MYO7B: variants seen among roughly 807,000 people sequenced by gnomAD.
The protein encoded by MYO7B is myosin VIIB, also known as unconventional myosin-VIIb.
Under a neutral mutation model 259.7 loss-of-function variants are expected in MYO7B, and 212 were observed. That is an observed-to-expected ratio of 0.82 (90% CI 0.73 to 0.91). MYO7B has a LOEUF of 0.91. MYO7B is among the 40% of genes least tolerant of loss of function. The pLI, the probability that MYO7B is intolerant of heterozygous loss-of-function variation, is 0.00. For synonymous variants in MYO7B, 1,197 were observed against 1,166.4 expected (o/e 1.03, Z -0.54); for missense variants, 2,732 against 2,813.5 (o/e 0.97, Z 0.66).
chr2:127,549,178 TTCTTTC>T (rs777737990), intron 1 of MYO7B, among the ~76,000 whole-genome samples: 7 of 131,512 alleles, frequency 5.3e-5, no homozygotes, highest in Non-Finnish European at 1.0e-4. Flanking sequence ...CTTTCTTTCT[TTCTTTC>T]TCTCTTTCTT....
At chr2:127,572,155 A>G (rs1678660901) in intron 6 of MYO7B, among the ~76,000 whole-genome samples, 1 of 152,244 alleles carries the variant, frequency 6.6e-6, no homozygotes, top group Non-Finnish European at 1.5e-5. Context: ...ATGATGGCTT[A>G]TGCCAGTAAT....
intron 6 of MYO7B, among the ~76,000 whole-genome samples, chr2:127,571,479 G>A (rs959158751): frequency 4.0e-5 from 2 of 50,250 alleles, no homozygotes; most frequent in African/African-American, 8.2e-5. Flanking sequence ...TTTTTTGTTT[G>A]TTTGTTTTTT....
intron 2 of MYO7B, among the ~76,000 whole-genome samples, chr2:127,561,811 G>T (rs1434644559): frequency 6.6e-6 from 1 of 152,170 alleles, no homozygotes. Flanking sequence ...CCATAACAAG[G>T]TATCACAGAC....
intron 9 of MYO7B, 131 bp from the exon 10 acceptor site, chr2:127,580,615 G>T: frequency 3.6e-6 from 3 of 824,904 alleles, no homozygotes; most frequent in Non-Finnish European, 5.8e-6. Flanking sequence ...CACTGGGAGA[G>T]ACCGTGGCTT....
At chr2:127,565,909 C>A (rs895016710) in intron 4 of MYO7B, among the ~76,000 whole-genome samples, 1 of 152,238 alleles carries the variant, frequency 6.6e-6, no homozygotes, top group Non-Finnish European at 1.5e-5. Context: ...ATTCCAAAAC[C>A]GACACCAGTT....
chr2:127,537,602 G>A (rs13021407), intron 1 of MYO7B, among the ~76,000 whole-genome samples: 3 of 152,108 alleles, frequency 2.0e-5, no homozygotes, highest in Non-Finnish European at 1.5e-5. Flanking sequence ...TTGGGAGGCC[G>A]AGGTGGGAGG....
At chr2:127,600,679 C>T (rs548140565) in intron 19 of MYO7B, among the ~76,000 whole-genome samples, 4 of 152,342 alleles carry the variant, frequency 2.6e-5, no homozygotes, top group African/African-American at 7.2e-5. Flanking sequence ...CATTGCACTT[C>T]AGCCTGGGCA....
chr2:127,590,099 A>T lies in MYO7B; in HGVS notation c.1862A>T (p.Asp621Val). ...CTGTGCTTCCATTCACAGTCTGCAG[A>T]CTCAAATAAACGGCCCTCCACCTTA... is the stretch of plus-strand genomic sequence containing the variant. ...KAGNHLFKSA[D>V]SNKRPSTLGS... Residue 621 changes from aspartate to valine, a missense_variant, in exon 16 of 48, where the codon GAC becomes GTC. Asp to Val is a radical substitution (Grantham distance 152). Coordinates refer to ENST00000409816, the MANE Select transcript of MYO7B (RefSeq NM_001393586.1). The surrounding 1 kb of genome is among the most constrained non-coding windows in gnomAD (Gnocchi z 4.6). The T allele has an allele frequency of 6.3e-7, 1 of 1,580,178 alleles. No individual in the cohort carries two copies. Among genetic ancestry groups the T allele is most frequent in the South Asian group, 1.2e-5 (1 of 86,106 alleles).
chr2:127,587,949 T>G (rs1679365768), intron 14 of MYO7B, among the ~76,000 whole-genome samples: 1 of 152,156 alleles, frequency 6.6e-6, no homozygotes, highest in African/African-American at 2.4e-5. Flanking sequence ...ATCCCCTCCT[T>G]AAAGGCCCTA....
Position 127,597,356 on chromosome 2 carries a change from A to C in MYO7B, c.2339+800A>C, listed in dbSNP as rs72960564. Among the ~76,000 whole-genome samples the C allele has an allele frequency of 0.014, 2,183 of 152,236 alleles. 70 individuals are homozygous for C. The highest frequency in any genetic ancestry group is 0.051 in the African/African-American group (2,098 of 41,522). On this transcript the variant is annotated intron_variant, in intron 19 of 47. Coordinates refer to ENST00000409816, the MANE Select transcript of MYO7B (RefSeq NM_001393586.1). This position sits in a 1 kb window ranked among gnomAD's most constrained non-coding sequence, Gnocchi z 4.8. ...AGAAACAATACAGAGATATTGCCATAATCTTCACCCATTTCCCCCAGTGGA... is the reference window on the plus strand; with the variant it reads ...AGAAACAATACAGAGATATTGCCATCATCTTCACCCATTTCCCCCAGTGGA...
chr2:127,566,892 T>TGATCTTGCAG, intron 5 of MYO7B, 65 bp downstream of exon 5: 1 of 1,525,310 alleles, frequency 6.6e-7, no homozygotes, highest in Non-Finnish European at 8.9e-7. Flanking sequence ...CCAGCATGCC[T>TGATCTTGCAG]GCAAGATCAG....
intron 5 of MYO7B, among the ~76,000 whole-genome samples, 160 bp downstream of exon 5, chr2:127,566,987 T>C (rs1395572684): frequency 3.9e-5 from 6 of 152,340 alleles, no homozygotes; most frequent in South Asian, 2.1e-4. Flanking sequence ...CCCCGAGCAG[T>C]TCCCCCAAAG....
chr2:127,635,872 C>G lies in MYO7B; in HGVS notation c.5971C>G (p.Leu1991Val), dbSNP rs201508027. The G allele has an allele frequency of 3.2e-6, 5 of 1,581,634 alleles. No individual in the cohort carries two copies. In the African/African-American group the frequency reaches 6.8e-5, roughly 21 times the overall value. Residue 1991 changes from leucine to valine, a missense_variant, in exon 44 of 48, where the codon CTC becomes GTC. This residue lies in a region of MYO7B where 821 missense variants were observed against 769.3 expected (regional missense o/e 1.07). Transcript: ENST00000409816. ...KILRELVPEN[L>V]TRLMSSEEWK... The stretch of plus-strand genomic sequence containing the variant: ...CCTGAGGGAACTGGTGCCTGAGAAC[C>G]TCACACGCCTGATGTCCTCGGAGGA...
At position 127,634,555 on chromosome 2, in the gene MYO7B, C is replaced by T. The variant is rs977531671; in HGVS notation, c.5626-41C>T. The T allele has an allele frequency of 5.1e-6, 8 of 1,557,908 alleles. No homozygotes were observed. In the African/African-American group the frequency reaches 5.4e-5, roughly 11 times the overall value. On this transcript the variant is annotated intron_variant, in intron 41 of 47. Coordinates refer to ENST00000409816, the MANE Select transcript of MYO7B (RefSeq NM_001393586.1). ...CAGCAGGTTCTCAGGAGGACAGTCC[C>T]CGGAAGCCACCCAACTTCCCTGTAC...
Position 127,582,292 on chromosome 2 carries a change from G to T in MYO7B, c.1201-12G>T. The T allele has an allele frequency of 6.2e-7, 1 of 1,612,072 alleles. No individual in the cohort carries two copies. Among genetic ancestry groups the T allele is most frequent in the Non-Finnish European group, 8.5e-7 (1 of 1,179,194 alleles). ...CCAAGCCCAGGATTCTCCCACCCCC[G>T]TGTCTCTCCAGGGCATCTATGGGCA... On this transcript the variant is annotated splice_polypyrimidine_tract_variant and intron_variant, in intron 11 of 47. Coordinates refer to ENST00000409816, the MANE Select transcript of MYO7B (RefSeq NM_001393586.1).
At position 127,577,277 on chromosome 2, in the gene MYO7B, C is replaced by T. The variant is rs1177831436; in HGVS notation, c.849+569C>T. Among the ~76,000 whole-genome samples the T allele has an allele frequency of 6.6e-6, 1 of 152,176 alleles. No individual in the cohort carries two copies. The highest frequency in any genetic ancestry group is 1.5e-5 in the Non-Finnish European group (1 of 68,014). ...GGATCTCTCCCATGCAACCCTCTCT[C>T]CTGGGTCCACTGCTCCAAGGCCTTC... On this transcript the variant is annotated intron_variant, in intron 8 of 47. Coordinates refer to ENST00000409816, the MANE Select transcript of MYO7B (RefSeq NM_001393586.1). This position sits in a 1 kb window ranked among gnomAD's most constrained non-coding sequence, Gnocchi z 5.2.
In MYO7B at chr2:127,582,263, G is replaced by T. The variant is rs777646687; in HGVS notation, c.1201-41G>T. ...GAACTTGGAGGTAACCTCCGCCTGAGCCTCCAAGCCCAGGATTCTCCCACC... is the reference window on the plus strand; with the variant it reads ...GAACTTGGAGGTAACCTCCGCCTGATCCTCCAAGCCCAGGATTCTCCCACC... On this transcript the variant is annotated intron_variant, in intron 11 of 47. Coordinates refer to ENST00000409816, the MANE Select transcript of MYO7B (RefSeq NM_001393586.1). 2.5e-6 allele frequency: 4 copies of T among 1,606,802 alleles called. No individual in the cohort carries two copies. The South Asian group carries it at 4.5e-5, about 18-fold the overall frequency.
intron 1 of MYO7B, among the ~76,000 whole-genome samples, chr2:127,555,962 T>C (rs990145472): frequency 6.6e-6 from 1 of 152,186 alleles, no homozygotes; most frequent in Non-Finnish European, 1.5e-5. Flanking sequence ...TTGACTTCTG[T>C]CTTGAGGACC....
intron 18 of MYO7B, among the ~76,000 whole-genome samples, chr2:127,594,832 C>G (rs1247474728): frequency 6.6e-6 from 1 of 152,106 alleles, no homozygotes; most frequent in African/African-American, 2.4e-5. Flanking sequence ...CCAACTTGAT[C>G]GTAGTGGATA....
Sources: gnomAD v4.1 joint callset for allele counts (sites outside exome capture counted in the v4.1 genomes callset) on GRCh38, gnomAD v4.1.1 for gene constraint, gnomAD v4.1.1 regional missense constraint, Gnocchi (gnomAD v3.1) non-coding constraint, MANE v1.5 for transcripts, NCBI Gene and HGNC (gene_info 2026-07-23, HGNC 2026-07-21) for gene names.